ZNF462: variants seen among roughly 807,000 people sequenced by gnomAD.
ZNF462 encodes zinc finger protein 462, also known as zinc finger PBX1-interacting protein.
In ZNF462, 10 loss-of-function variants were observed where a neutral mutation model predicts 201.9. The ratio of observed to expected loss-of-function variants is 0.05; its 90% CI spans 0.03 to 0.08. The LOEUF is 0.08. ZNF462 is among the 10% of genes least tolerant of loss of function. The pLI is 1.00. For missense variants in ZNF462, 2,523 were observed against 3,168.3 expected (o/e 0.80, Z 4.89); for synonymous variants, 1,227 against 1,193.3 (o/e 1.03, Z -0.58).
chr9:106,900,513 A>G (rs1416353538), intron 1 of ZNF462, among the ~76,000 whole-genome samples: 1 of 152,160 alleles, frequency 6.6e-6, no homozygotes, highest in East Asian at 1.9e-4. Flanking sequence ...CCAGCAGTGT[A>G]GAAGTGTTCT....
At chr9:106,958,713 C>T (rs1050986873) in intron 7 of ZNF462, among the ~76,000 whole-genome samples, 1 of 152,032 alleles carries the variant, frequency 6.6e-6, no homozygotes, top group African/African-American at 2.4e-5. Flanking sequence ...AAGAAATTCG[C>T]GATAACATTC....
In ZNF462 at chr9:106,993,399, A is replaced by G. The variant is rs1354250593; in HGVS notation, c.7056+8990A>G. 2.0e-5 allele frequency among the ~76,000 whole-genome samples: 3 copies of G among 152,152 alleles called. No homozygotes were observed. The highest frequency in any genetic ancestry group is 4.4e-5 in the Non-Finnish European group (3 of 68,012). On this transcript the variant is annotated intron_variant, in intron 10 of 12. Coordinates refer to ENST00000277225, the MANE Select transcript of ZNF462 (RefSeq NM_021224.6). This position sits in a 1 kb window ranked among gnomAD's most constrained non-coding sequence, Gnocchi z 4.0. ...AGAGTGCAAAAGGGATAACCATCAG[A>G]ACCCTCATTTTATAGGTGATAAACA...
At chr9:106,891,183 A>G (rs1483107367) in intron 1 of ZNF462, among the ~76,000 whole-genome samples, 1 of 152,248 alleles carries the variant, frequency 6.6e-6, no homozygotes, top group Non-Finnish European at 1.5e-5. Context: ...ACAAGAGACA[A>G]AAAAGAAAAA....
Position 107,013,186 on chromosome 9 carries a change from A to G in ZNF462, c.*2156A>G, listed in dbSNP as rs575030468. The G allele has an allele frequency of 1.3e-5, 2 of 152,314 alleles. No individual in the cohort carries two copies. Among genetic ancestry groups the G allele is most frequent in the Non-Finnish European group, 2.9e-5 (2 of 68,012 alleles). 9.4% of individuals were successfully genotyped at this position (152,314 alleles called of 1,614,324 possible). On this transcript the variant is annotated 3_prime_UTR_variant, in exon 13 of 13. Transcript: ENST00000277225. ...ACTTTATTTTTCAAATAACATGTAA[A>G]TATTGTAATCCATTGGATTTTGTTT...
At chr9:106,947,455 T>C (rs536359567) in intron 7 of ZNF462, among the ~76,000 whole-genome samples, 1 of 152,324 alleles carries the variant, frequency 6.6e-6, no homozygotes, top group South Asian at 2.1e-4. Context: ...AACCTATGTG[T>C]TGATTTTTAG....
intron 9 of ZNF462, among the ~76,000 whole-genome samples, chr9:106,980,296 C>CA (rs1462773101): frequency 6.6e-6 from 1 of 152,198 alleles, no homozygotes; most frequent in Admixed American, 6.5e-5. Flanking sequence ...CTCTAATACT[C>CA]AGACTTTGTC....
Position 106,930,391 on chromosome 9 carries a change from A to G in ZNF462, c.5848-134A>G. 1.7e-6 allele frequency: 2 copies of G among 1,151,734 alleles called. No individual in the cohort carries two copies. Among genetic ancestry groups the G allele is most frequent in the Non-Finnish European group, 2.4e-6 (2 of 832,392 alleles). The allele number at this position is 1,151,734 out of a possible 1,614,324, so 71.3% of individuals were successfully genotyped here. ...GCTGACAAATTTGTTATATAAAAAT[A>G]CTCGCCTATATCTCCCTTGGTTTTT... On this transcript the variant is annotated intron_variant, in intron 3 of 12. Transcript: ENST00000277225. The surrounding 1 kb of genome is among the most constrained non-coding windows in gnomAD (Gnocchi z 5.8).
chr9:106,908,097 T>C (rs1443182091), intron 1 of ZNF462, among the ~76,000 whole-genome samples: 2 of 152,236 alleles, frequency 1.3e-5, no homozygotes, highest in African/African-American at 4.8e-5. Context: ...TATCTCTTAA[T>C]TGTGGCATTA....
intron 10 of ZNF462, among the ~76,000 whole-genome samples, chr9:106,989,709 A>ATC (rs1564156222): frequency 6.6e-6 from 1 of 151,998 alleles, no homozygotes; most frequent in African/African-American, 2.4e-5. Flanking sequence ...TACCATTTCA[A>ATC]TCTCGCTACT....
rs1343484991 is a variant in ZNF462, at chr9:106,962,308, AAGAG to A, written c.6428-9693_6428-9690del. On this transcript the variant is annotated intron_variant, in intron 7 of 12. Coordinates refer to ENST00000277225, the MANE Select transcript of ZNF462 (RefSeq NM_021224.6). This position sits in a 1 kb window ranked among gnomAD's most constrained non-coding sequence, Gnocchi z 4.6. ...TTGACTCATTGAATGTGTGGAATGAAAGAGAGAAATGAATCAAGGATTTATTCTG... is the reference window on the plus strand; with the variant it reads ...TTGACTCATTGAATGTGTGGAATGAAAGAAATGAATCAAGGATTTATTCTG... 1.3e-5 allele frequency among the ~76,000 whole-genome samples: 2 copies of A among 152,030 alleles called. No individual in the cohort carries two copies. The highest frequency in any genetic ancestry group is 1.3e-4 in the Admixed American group (2 of 15,248).
intron 7 of ZNF462, among the ~76,000 whole-genome samples, chr9:106,940,752 G>GT (rs112299391): frequency 1.5e-4 from 22 of 148,934 alleles, no homozygotes; most frequent in South Asian, 4.3e-4. Flanking sequence ...AGCCTGTAGT[G>GT]TTTTTTTTTT....
intron 7 of ZNF462, among the ~76,000 whole-genome samples, chr9:106,941,531 A>G (rs1463567438): frequency 1.3e-5 from 2 of 152,218 alleles, no homozygotes; most frequent in Non-Finnish European, 2.9e-5. Context: ...TTTTATCCTT[A>G]TGAAAGAACA....
intron 1 of ZNF462, among the ~76,000 whole-genome samples, chr9:106,894,778 T>G (rs978887076): frequency 6.6e-6 from 1 of 152,276 alleles, no homozygotes; most frequent in Non-Finnish European, 1.5e-5. Context: ...ATAAACTGAA[T>G]TTTGAAGCTT....
At position 106,925,847 on chromosome 9, in the gene ZNF462, A is replaced by C. The variant is rs1220046158; in HGVS notation, c.1935A>C (p.Thr645=). The C allele has an allele frequency of 3.7e-6, 6 of 1,614,200 alleles. No individual in the cohort carries two copies. Among genetic ancestry groups the C allele is most frequent in the Non-Finnish European group, 5.1e-6 (6 of 1,180,042 alleles). Residue 645 remains threonine, a synonymous_variant, in exon 3 of 13, where the codon ACA becomes ACC. Transcript: ENST00000277225. This position sits in a 1 kb window ranked among gnomAD's most constrained non-coding sequence, Gnocchi z 7.9. ...QPSSLPLENE[T]DSHPSSSNTV... ...CAAGCCTACCATTGGAAAATGAGAC[A>C]GACAGCCACCCCTCTTCCAGCAACA...
Position 106,925,346 on chromosome 9 carries a change from T to A in ZNF462, c.1434T>A (p.Thr478=). 3 of 1,614,236 alleles carry A rather than the reference T, an allele frequency of 1.9e-6. No individual in the cohort carries two copies. The highest frequency in any genetic ancestry group is 2.5e-6 in the Non-Finnish European group (3 of 1,180,044). The change falls in exon 3 of 13, where the codon ACT becomes ACA. Residue 478 remains threonine, a synonymous_variant. Transcript: ENST00000277225. The surrounding 1 kb of genome is among the most constrained non-coding windows in gnomAD (Gnocchi z 7.9). Reference sequence around the variant, plus strand: ...ACAAATGTGACGAATGTCCGTTTACTTGCAAGAGCTCGTTGAAACTTGGGG... The same window carrying A: ...ACAAATGTGACGAATGTCCGTTTACATGCAAGAGCTCGTTGAAACTTGGGG... ...AVYKCDECPF[T]CKSSLKLGAH...
At chr9:106,979,926 A>G (rs1317776449) in intron 9 of ZNF462, among the ~76,000 whole-genome samples, 3 of 152,336 alleles carry the variant, frequency 2.0e-5, no homozygotes, top group Non-Finnish European at 2.9e-5. Context: ...TTCCCAATAC[A>G]TAGACAAATG....
intron 5 of ZNF462, among the ~76,000 whole-genome samples, chr9:106,934,824 A>C (rs1179915758): frequency 6.6e-6 from 1 of 152,174 alleles, no homozygotes; most frequent in African/African-American, 2.4e-5. Flanking sequence ...GTTCGTTGTA[A>C]TTAAATAACT....
Position 106,935,617 on chromosome 9 carries a change from T to C in ZNF462, c.6231T>C (p.His2077=). 6.2e-7 allele frequency: 1 copy of C among 1,613,288 alleles called. No individual in the cohort carries two copies. The highest frequency in any genetic ancestry group is 8.5e-7 in the Non-Finnish European group (1 of 1,179,302). The part of the protein sequence containing the change: ...SRLKTHILKA[H]AGEHAYKCSW... Reference sequence around the variant, plus strand: ...TGAAAACACATATACTCAAAGCTCATGCTGGTGAGTTGTGCATTGATGATG... The same window carrying C: ...TGAAAACACATATACTCAAAGCTCACGCTGGTGAGTTGTGCATTGATGATG... The change falls in exon 6 of 13, where the codon CAT becomes CAC. Residue 2077 remains histidine (H), a synonymous_variant. Coordinates refer to ENST00000277225, the MANE Select transcript of ZNF462 (RefSeq NM_021224.6). The surrounding 1 kb of genome is among the most constrained non-coding windows in gnomAD (Gnocchi z 4.1).
Position 106,870,682 on chromosome 9 carries a change from C to A in ZNF462, c.-31+7327C>A, listed in dbSNP as rs933095707. Among the ~76,000 whole-genome samples, 1 of 152,056 alleles carries A rather than the reference C, an allele frequency of 6.6e-6. No individual in the cohort carries two copies. The highest frequency in any genetic ancestry group is 2.4e-5 in the African/African-American group (1 of 41,376). On this transcript the variant is annotated intron_variant, in intron 1 of 12. Coordinates refer to ENST00000277225, the MANE Select transcript of ZNF462 (RefSeq NM_021224.6). This position sits in a 1 kb window ranked among gnomAD's most constrained non-coding sequence, Gnocchi z 4.3. ...CTTAGTAGGAAATTAAGCATTTGCC[C>A]AAGATGAGGAAGCGAAGTCTTACCT... is the stretch of plus-strand genomic sequence containing the variant.
Sources: allele counts gnomAD v4.1 joint callset (sites outside exome capture counted in the v4.1 genomes callset), GRCh38; gene constraint gnomAD v4.1.1; non-coding constraint Gnocchi (gnomAD v3.1); transcripts MANE v1.5; gene names NCBI Gene and HGNC (gene_info 2026-07-23, HGNC 2026-07-21).